RARB: variants seen among roughly 807,000 people sequenced by gnomAD.
RARB encodes HBV-activated protein.
RARB carries 17 observed loss-of-function variants against 51.9 expected under a neutral mutation model. The observed-to-expected ratio is 0.33, with a 90% CI of 0.22 to 0.49. RARB has a LOEUF of 0.49. Among genes scored for constraint, RARB ranks in the 20% least tolerant of loss-of-function variants. RARB has a pLI of 0.99. For synonymous variants in RARB, 215 were observed against 195.4 expected, an observed-to-expected ratio of 1.10 and a Z score of -0.84; for missense variants, 369 against 550.8, an observed-to-expected ratio of 0.67 and a Z score of 3.30.
intron 3 of RARB, among the ~76,000 whole-genome samples, chr3:25,523,251 C>G (rs76654177): frequency 0.047 from 7,200 of 152,202 alleles, 592 homozygotes; most frequent in African/African-American, 0.16. Flanking sequence ...CTTGATTTCT[C>G]ATCTAATGGG....
chr3:25,213,292 C>T (rs1454650579), intron 5 of RARB, among the ~76,000 whole-genome samples: 1 of 152,120 alleles, frequency 6.6e-6, no homozygotes, highest in Non-Finnish European at 1.5e-5. Flanking sequence ...TTCTTTTGTA[C>T]ACTACATACT....
chr3:24,856,267 G>T (rs1421121202), intron 1 of RARB, among the ~76,000 whole-genome samples: 2 of 152,096 alleles, frequency 1.3e-5, no homozygotes, highest in Non-Finnish European at 2.9e-5. Flanking sequence ...CATGCTTGGG[G>T]ATTATAGTGA....
At chr3:25,230,057 G>A (rs1235785941) in intron 5 of RARB, among the ~76,000 whole-genome samples, 1 of 152,072 alleles carries the variant, frequency 6.6e-6, no homozygotes, top group Non-Finnish European at 1.5e-5. Context: ...AATAAATAAT[G>A]AATGAAGTAT....
At chr3:25,293,082 T>A (rs564020868) in intron 5 of RARB, among the ~76,000 whole-genome samples, 1 of 152,304 alleles carries the variant, frequency 6.6e-6, no homozygotes, top group East Asian at 1.9e-4. Flanking sequence ...TTAGCTCTCC[T>A]AGTTATTCAC....
At chr3:25,171,631 G>T (rs933873700) in intron 4 of RARB, among the ~76,000 whole-genome samples, 1 of 52,698 alleles carries the variant, frequency 1.9e-5, no homozygotes. Flanking sequence ...TTCCCAACCA[G>T]TCCCTGGTTG....
At position 25,008,345 on chromosome 3, in the gene RARB, G is replaced by A. The variant is rs139268391; in HGVS notation, c.-379-51780G>A. Among the ~76,000 whole-genome samples the A allele has an allele frequency of 8.7e-4, 132 of 152,164 alleles. 1 individual carries two copies. Among genetic ancestry groups the A allele is most frequent in the African/African-American group, 3.0e-3 (126 of 41,522 alleles). ...CATTTCCTCTTGTATACAGATGACCGCTCCTCTGACTTGAATCACCATAAA... is the reference window on the plus strand; with the variant it reads ...CATTTCCTCTTGTATACAGATGACCACTCCTCTGACTTGAATCACCATAAA... On this transcript the variant is annotated intron_variant, in intron 2 of 11. Transcript: ENST00000383772.
At chr3:25,528,399 C>CA (rs2125640313) in intron 3 of RARB, among the ~76,000 whole-genome samples, 1 of 151,974 alleles carries the variant, frequency 6.6e-6, no homozygotes, top group African/African-American at 2.4e-5. Flanking sequence ...TTAGTGGCAC[C>CA]AAAAAAGGGT....
intron 5 of RARB, among the ~76,000 whole-genome samples, chr3:25,259,449 A>G (rs9850636): frequency 2.5e-4 from 38 of 152,282 alleles, no homozygotes; most frequent in African/African-American, 8.9e-4. Flanking sequence ...AATCTTCTGT[A>G]TAATTCTCCA....
intron 1 of RARB, among the ~76,000 whole-genome samples, chr3:24,848,432 G>C (rs1702512401): frequency 6.6e-6 from 1 of 152,140 alleles, no homozygotes; most frequent in African/African-American, 2.4e-5. Flanking sequence ...TAAATACAAA[G>C]ATAGGTGACT....
chr3:25,299,482 G>T (rs1703990358), intron 5 of RARB, among the ~76,000 whole-genome samples: 1 of 152,216 alleles, frequency 6.6e-6, no homozygotes, highest in Non-Finnish European at 1.5e-5. Flanking sequence ...TTACAGACAT[G>T]AGCCACCACA....
At chr3:25,174,454 C>A in exon 5 of RARB, 1 of 1,352,160 alleles carries the variant, frequency 7.4e-7, no homozygotes, top group Non-Finnish European at 9.8e-7. Flanking sequence ...ACATGACTCA[C>A]TATCCAGCCA....
At chr3:24,902,214 C>T (rs372665780) in intron 2 of RARB, among the ~76,000 whole-genome samples, 3 of 152,142 alleles carry the variant, frequency 2.0e-5, no homozygotes, top group East Asian at 1.9e-4. Flanking sequence ...CACAGACTTA[C>T]GTGTCCCTAG....
intron 3 of RARB, among the ~76,000 whole-genome samples, chr3:25,093,700 C>T (rs753738528): frequency 1.8e-4 from 27 of 151,848 alleles, no homozygotes; most frequent in Admixed American, 1.4e-3. Context: ...GATGTCTTTA[C>T]GGGGTTTTTT....
intron 3 of RARB, among the ~76,000 whole-genome samples, chr3:25,521,427 G>A (rs1392305298): frequency 3.3e-5 from 5 of 152,190 alleles, no homozygotes; most frequent in Admixed American, 6.5e-5. Flanking sequence ...CTTTGCTGCT[G>A]CAGAGAGCTG....
chr3:24,972,803 T>G (rs1696429638), intron 2 of RARB, among the ~76,000 whole-genome samples: 1 of 152,080 alleles, frequency 6.6e-6, no homozygotes, highest in African/African-American at 2.4e-5. Flanking sequence ...TTGACAGATG[T>G]CTATTCAGAT....
intron 2 of RARB, among the ~76,000 whole-genome samples, chr3:24,940,500 A>G (rs1695640924): frequency 6.6e-6 from 1 of 152,224 alleles, no homozygotes; most frequent in African/African-American, 2.4e-5. Context: ...AAAAATAGTC[A>G]TTCAAGTGAA....
intron 2 of RARB, among the ~76,000 whole-genome samples, chr3:24,980,943 G>A (rs1483442044): frequency 6.6e-6 from 1 of 152,128 alleles, no homozygotes; most frequent in Non-Finnish European, 1.5e-5. Context: ...CTGCAGATGG[G>A]GTTTTGGTGT....
intron 3 of RARB, among the ~76,000 whole-genome samples, chr3:25,120,529 C>A (rs1166838577): frequency 1.4e-5 from 2 of 140,190 alleles, no homozygotes; most frequent in African/African-American, 2.8e-5. Context: ...ATATAAAAAT[C>A]TCTCTCTCTC....
intron 5 of RARB, among the ~76,000 whole-genome samples, chr3:25,361,940 T>A (rs981052639): frequency 6.6e-6 from 1 of 152,146 alleles, no homozygotes; most frequent in Admixed American, 6.5e-5. Flanking sequence ...GGTGTCTCCC[T>A]TTCAGGAGGC....
Sources: allele counts gnomAD v4.1 joint callset (sites outside exome capture counted in the v4.1 genomes callset), GRCh38; gene constraint gnomAD v4.1.1; transcripts MANE v1.5; gene names NCBI Gene and HGNC (gene_info 2026-07-23, HGNC 2026-07-21).